Variants in TRHDE observed in about 807,000 individuals in gnomAD.
The protein encoded by TRHDE is thyrotropin-releasing hormone-degrading ectoenzyme.
In TRHDE, 72 loss-of-function variants were observed where a neutral mutation model predicts 125.7. The observed-to-expected ratio is 0.57, with a 90% CI of 0.47 to 0.70. The LOEUF (loss-of-function observed/expected upper bound fraction) is 0.70. Ranked by LOEUF, TRHDE falls within the 30% of genes least tolerant of loss-of-function variation. The pLI is 0.00. For missense variants in TRHDE, 1,110 were observed against 1,327.1 expected, an observed-to-expected ratio of 0.84 and a Z score of 2.54; for synonymous variants, 509 against 509.1, an observed-to-expected ratio of 1.00 and a Z score of 0.00.
intron 15 of TRHDE, among the ~76,000 whole-genome samples, chr12:72,647,774 T>C (rs1471649783): frequency 6.6e-6 from 1 of 152,112 alleles, no homozygotes; most frequent in African/African-American, 2.4e-5. Context: ...ATTGAATTAG[T>C]AATCAAAAAC....
chr12:72,577,101 A>G (rs1378000285), intron 12 of TRHDE, among the ~76,000 whole-genome samples: 1 of 152,166 alleles, frequency 6.6e-6, no homozygotes, highest in Non-Finnish European at 1.5e-5. Flanking sequence ...ATTTTGGCAC[A>G]GAAGTTTAGA....
At chr12:72,251,532 T>C (rs906551261) in intron 2 of TRHDE, among the ~76,000 whole-genome samples, 3 of 151,844 alleles carry the variant, frequency 2.0e-5, no homozygotes, top group Middle Eastern at 3.4e-3. Flanking sequence ...ATGGTAGATA[T>C]AGATGCACCA....
At chr12:72,424,670 T>A (rs1874108000) in intron 3 of TRHDE, among the ~76,000 whole-genome samples, 1 of 152,182 alleles carries the variant, frequency 6.6e-6, no homozygotes, top group South Asian at 2.1e-4. Context: ...ATTCCATCTA[T>A]TCTCCCAGTA....
At chr12:72,531,068 G>A (rs550089802) in intron 6 of TRHDE, among the ~76,000 whole-genome samples, 3 of 152,032 alleles carry the variant, frequency 2.0e-5, no homozygotes, top group African/African-American at 4.8e-5. Context: ...TTGTACCTAT[G>A]TACACACTCC....
At chr12:72,657,062 A>G in intron 18 of TRHDE, 54 bp downstream of exon 18, 5 of 1,154,750 alleles carry the variant, frequency 4.3e-6, no homozygotes, top group South Asian at 2.6e-5. Context: ...ATTTGAAATT[A>G]TGCATTTACT....
intron 5 of TRHDE, among the ~76,000 whole-genome samples, chr12:72,497,203 G>T (rs1397002112): frequency 1.3e-5 from 2 of 151,928 alleles, no homozygotes; most frequent in Non-Finnish European, 2.9e-5. Context: ...TACTGACTAG[G>T]CAAGGTTTGT....
At chr12:72,237,264 AAGAG>A (rs373081353) in intron 2 of TRHDE, among the ~76,000 whole-genome samples, 8 of 152,228 alleles carry the variant, frequency 5.3e-5, no homozygotes, top group Admixed American at 1.3e-4. Context: ...ATAGTGAAAA[AAGAG>A]AGAGTTTCTA....
At chr12:72,234,938 CTAATA>C (rs1364691827) in intron 2 of TRHDE, among the ~76,000 whole-genome samples, 1 of 152,120 alleles carries the variant, frequency 6.6e-6, no homozygotes, top group Non-Finnish European at 1.5e-5. Context: ...TATAGAGCAT[CTAATA>C]TAATACTGAT....
intron 2 of TRHDE, among the ~76,000 whole-genome samples, chr12:72,347,773 A>G (rs1258936894): frequency 6.6e-6 from 1 of 152,124 alleles, no homozygotes; most frequent in Non-Finnish European, 1.5e-5. Flanking sequence ...CAAGAGAGTG[A>G]ACAGGCTAGA....
At chr12:72,373,156 T>G (rs1871693113) in intron 2 of TRHDE, among the ~76,000 whole-genome samples, 1 of 152,204 alleles carries the variant, frequency 6.6e-6, no homozygotes, top group Non-Finnish European at 1.5e-5. Context: ...GAAGCAATTG[T>G]GAATGGGAGT....
chr12:72,500,849 C>CTTTTTTTTTTTTTTTTTTTTTTTTTT (rs11314911), intron 6 of TRHDE, among the ~76,000 whole-genome samples: 1 of 109,358 alleles, frequency 9.1e-6, no homozygotes, highest in Non-Finnish European at 1.8e-5. Flanking sequence ...CAACTTTGTT[C>CTTTTTTTTTTTTTTTTTTTTTTTTTT]TTTTTTTTTT....
rs1878634254 is a variant in TRHDE, at chr12:72,512,488, A to G, written c.1722+12853A>G. ...ATTATATAGTTATAATTATATAATA[A>G]TAATATATTATATAGTTATAATTAT... On this transcript the variant is annotated intron_variant, in intron 6 of 18. Coordinates refer to ENST00000261180, the MANE Select transcript of TRHDE (RefSeq NM_013381.3). Among the ~76,000 whole-genome samples, 4 of 139,370 alleles carry G rather than the reference A, an allele frequency of 2.9e-5. No homozygotes were observed. In the South Asian group the frequency reaches 8.5e-4, roughly 30 times the overall value. The allele number at this position is 139,370 out of a possible 152,430, so 91.4% of individuals were successfully genotyped here. A position where few individuals can be genotyped will look rare whatever the true frequency, so the allele number is the denominator to read the frequency against.
At chr12:72,331,215 G>T (rs7955732) in intron 2 of TRHDE, among the ~76,000 whole-genome samples, 52,191 of 152,068 alleles carry the variant, frequency 0.34, 9,644 homozygotes, top group Non-Finnish European at 0.43. Context: ...GACATAGATA[G>T]AACAAGTAAT....
intron 3 of TRHDE, among the ~76,000 whole-genome samples, chr12:72,452,105 A>G (rs1875606569): frequency 6.6e-6 from 1 of 152,156 alleles, no homozygotes; most frequent in Non-Finnish European, 1.5e-5. Context: ...CTGGGATTAC[A>G]GGCGCGATTT....
At chr12:72,248,417 CAAAAAA>C (rs34434650) in intron 2 of TRHDE, among the ~76,000 whole-genome samples, 2 of 55,784 alleles carry the variant, frequency 3.6e-5, no homozygotes, top group Admixed American at 2.3e-4. Context: ...GACTCTGTCT[CAAAAAA>C]AAAAAAAAAA....
intron 7 of TRHDE, among the ~76,000 whole-genome samples, chr12:72,547,194 C>G (rs1391641905): frequency 6.6e-6 from 1 of 150,992 alleles, no homozygotes; most frequent in Non-Finnish European, 1.5e-5. Flanking sequence ...GTATTAACTC[C>G]TTTATTCATC....
intron 2 of TRHDE, among the ~76,000 whole-genome samples, chr12:72,297,796 G>A (rs1880358935): frequency 6.6e-6 from 1 of 152,140 alleles, no homozygotes; most frequent in Admixed American, 6.5e-5. Context: ...AGAAGTAGTG[G>A]GAGTCAGGGG....
At chr12:72,384,796 T>C (rs1872342363) in intron 3 of TRHDE, among the ~76,000 whole-genome samples, 1 of 152,090 alleles carries the variant, frequency 6.6e-6, no homozygotes, top group African/African-American at 2.4e-5. Flanking sequence ...ATATTTTTTA[T>C]TGTGGTGATG....
At chr12:72,143,688 C>G (rs1322325072) in intron 2 of TRHDE, among the ~76,000 whole-genome samples, 1 of 152,012 alleles carries the variant, frequency 6.6e-6, no homozygotes, top group Non-Finnish European at 1.5e-5. Flanking sequence ...GTTCTGACCC[C>G]TTTGGCAGGA....
Sources: allele counts gnomAD v4.1 joint callset (sites outside exome capture counted in the v4.1 genomes callset), GRCh38; gene constraint gnomAD v4.1.1; transcripts MANE v1.5; gene names NCBI Gene and HGNC (gene_info 2026-07-23, HGNC 2026-07-21).